The following PDE3B variants were observed in gnomAD, a reference collection of about 807,000 sequenced individuals.
PDE3B encodes the protein phosphodiesterase 3B.
PDE3B carries 66 observed loss-of-function variants against 116.8 expected under a neutral mutation model. The ratio of observed to expected loss-of-function variants is 0.56; its 90% CI spans 0.46 to 0.69. The LOEUF is 0.69. PDE3B is among the 30% of genes least tolerant of loss of function. PDE3B has a pLI of 0.00. For synonymous variants in PDE3B, 595 were observed against 533.6 expected (o/e 1.12, Z -1.59); for missense variants, 1,384 against 1,368.1 (o/e 1.01, Z -0.18).
intron 5 of PDE3B, among the ~76,000 whole-genome samples, chr11:14,809,240 A>G (rs1474044943): frequency 2.0e-5 from 3 of 152,224 alleles, no homozygotes; most frequent in Non-Finnish European, 4.4e-5. Flanking sequence ...CTTGATATAT[A>G]TCCAAGAGAA....
intron 2 of PDE3B, chr11:14,774,391 C>T (rs1026662433): frequency 6.6e-6 from 1 of 152,048 alleles, no homozygotes; most frequent in African/African-American, 2.4e-5. Context: ...CAAATGTGGG[C>T]CAATATTATA....
intron 11 of PDE3B, among the ~76,000 whole-genome samples, chr11:14,838,048 G>T (rs1360210769): frequency 6.6e-6 from 1 of 151,472 alleles, no homozygotes; most frequent in Non-Finnish European, 1.5e-5. Context: ...GCGCGATCTC[G>T]GCTCAGTGCA....
chr11:14,717,731 G>C (rs1433556699), intron 1 of PDE3B, among the ~76,000 whole-genome samples: 2 of 134,972 alleles, frequency 1.5e-5, no homozygotes, highest in Admixed American at 1.5e-4. Context: ...GAGAGATTTT[G>C]TCACCACCAG....
chr11:14,783,884 C>T (rs538073878), intron 2 of PDE3B, among the ~76,000 whole-genome samples: 4 of 152,270 alleles, frequency 2.6e-5, no homozygotes, highest in African/African-American at 9.6e-5. Flanking sequence ...CGTCACCAAC[C>T]AGTACCGGTC....
intron 1 of PDE3B, among the ~76,000 whole-genome samples, chr11:14,659,354 GAT>G (rs772980839): frequency 1.3e-5 from 2 of 152,156 alleles, no homozygotes; most frequent in African/African-American, 2.4e-5. Context: ...AACAAGTGTT[GAT>G]AGAACATTTT....
intron 9 of PDE3B, 127 bp downstream of exon 9, chr11:14,831,904 GAAAA>G: frequency 1.8e-6 from 1 of 560,270 alleles, no homozygotes; most frequent in Non-Finnish European, 3.1e-6. Flanking sequence ...ATTTTTTTCA[GAAAA>G]AAATAAATAT....
intron 1 of PDE3B, among the ~76,000 whole-genome samples, chr11:14,686,935 G>T (rs926929887): frequency 2.0e-5 from 3 of 152,146 alleles, no homozygotes; most frequent in Non-Finnish European, 4.4e-5. Flanking sequence ...GGATGGTCTG[G>T]ATCTCCTGAC....
At chr11:14,740,108 A>G (rs1856719508) in intron 1 of PDE3B, among the ~76,000 whole-genome samples, 2 of 152,116 alleles carry the variant, frequency 1.3e-5, no homozygotes, top group Admixed American at 1.3e-4. Flanking sequence ...GGATGATGCT[A>G]AACTCATAAA....
intron 1 of PDE3B, among the ~76,000 whole-genome samples, chr11:14,738,410 A>C (rs564695451): frequency 6.6e-6 from 1 of 152,306 alleles, no homozygotes; most frequent in East Asian, 1.9e-4. Flanking sequence ...GGCTGCATAA[A>C]TGTCTTCTTT....
intron 5 of PDE3B, among the ~76,000 whole-genome samples, chr11:14,811,041 T>G (rs1859110568): frequency 6.6e-6 from 1 of 152,250 alleles, no homozygotes; most frequent in Non-Finnish European, 1.5e-5. Context: ...TAAATTTGTT[T>G]GAGTTCATCA....
intron 1 of PDE3B, among the ~76,000 whole-genome samples, chr11:14,725,810 G>C (rs1325392859): frequency 3.3e-5 from 5 of 151,332 alleles, no homozygotes; most frequent in African/African-American, 1.2e-4. Flanking sequence ...TGATCTCCCA[G>C]CTTCCAATCT....
chr11:14,895,746 G>T, the PDE3B span, among the ~76,000 whole-genome samples: 7 of 152,180 alleles, frequency 4.6e-5, no homozygotes, highest in African/African-American at 1.4e-4. Context: ...CAAATTAAAT[G>T]ATACTAATTG....
At chr11:14,660,167 T>C (rs1236573662) in intron 1 of PDE3B, among the ~76,000 whole-genome samples, 3 of 152,252 alleles carry the variant, frequency 2.0e-5, no homozygotes, top group African/African-American at 7.2e-5. Flanking sequence ...ATGTAGAGTT[T>C]ACGAGATCTT....
intron 4 of PDE3B, among the ~76,000 whole-genome samples, chr11:14,798,505 G>C (rs1014036670): frequency 7.2e-5 from 11 of 152,150 alleles, no homozygotes; most frequent in African/African-American, 2.7e-4. Flanking sequence ...CAGAACGAAT[G>C]GTACTAGCTC....
intron 2 of PDE3B, among the ~76,000 whole-genome samples, chr11:14,777,920 C>T (rs1380452311): frequency 1.3e-5 from 2 of 152,164 alleles, no homozygotes; most frequent in African/African-American, 4.8e-5. Flanking sequence ...GAAGCCATGA[C>T]AGACGGCACC....
At chr11:14,894,532 C>T in the PDE3B span, among the ~76,000 whole-genome samples, 3 of 152,304 alleles carry the variant, frequency 2.0e-5, no homozygotes, top group Middle Eastern at 3.4e-3. Flanking sequence ...CAAAAATATC[C>T]TCCAATTCAC....
intron 1 of PDE3B, among the ~76,000 whole-genome samples, chr11:14,741,751 G>A (rs1016377179): frequency 6.6e-6 from 1 of 152,050 alleles, no homozygotes; most frequent in Non-Finnish European, 1.5e-5. Flanking sequence ...CATGTTTAGT[G>A]CTTCCTTTAG....
intron 1 of PDE3B, among the ~76,000 whole-genome samples, chr11:14,687,872 A>G (rs1406522139): frequency 1.3e-5 from 2 of 152,170 alleles, no homozygotes; most frequent in Non-Finnish European, 2.9e-5. Flanking sequence ...TGGAACTCCT[A>G]TTAGGAATTT....
At chr11:14,751,008 A>G (rs1857044505) in intron 1 of PDE3B, among the ~76,000 whole-genome samples, 1 of 152,140 alleles carries the variant, frequency 6.6e-6, no homozygotes, top group Non-Finnish European at 1.5e-5. Context: ...TACAAATACA[A>G]TAGGCATGTT....
Sources: allele counts gnomAD v4.1 joint callset (sites outside exome capture counted in the v4.1 genomes callset), GRCh38; gene constraint gnomAD v4.1.1; transcripts MANE v1.5; gene names NCBI Gene and HGNC (gene_info 2026-07-23, HGNC 2026-07-21).